PARD3B: variants seen among roughly 807,000 people sequenced by gnomAD.
PARD3B encodes the protein partitioning defective 3 homolog B.
PARD3B carries 103 observed loss-of-function variants against 130.2 expected under a neutral mutation model. The observed-to-expected ratio is 0.79, with a 90% CI of 0.67 to 0.93. The LOEUF (loss-of-function observed/expected upper bound fraction) is 0.93. Ranked by LOEUF, PARD3B falls within the 40% of genes least tolerant of loss-of-function variation. The pLI is 0.00. For synonymous variants in PARD3B, 583 were observed against 553.2 expected (o/e 1.05, Z -0.76); for missense variants, 1,609 against 1,499.2 (o/e 1.07, Z -1.21).
intron 22 of PARD3B, among the ~76,000 whole-genome samples, chr2:205,613,924 G>T (rs2055326670): frequency 6.6e-6 from 1 of 152,314 alleles, no homozygotes; most frequent in East Asian, 1.9e-4. Flanking sequence ...CACAGACACT[G>T]TATTCTCACA....
chr2:204,926,706 T>C (rs113769501), intron 2 of PARD3B, among the ~76,000 whole-genome samples: 3 of 152,230 alleles, frequency 2.0e-5, no homozygotes, highest in African/African-American at 7.2e-5. Context: ...CTTTGGACCA[T>C]TGACCTCTTA....
At chr2:204,608,682 A>G (rs1016578891) in intron 1 of PARD3B, among the ~76,000 whole-genome samples, 11 of 152,298 alleles carry the variant, frequency 7.2e-5, no homozygotes, top group Admixed American at 5.9e-4. Flanking sequence ...GGAATTACCC[A>G]GACAGTAGAT....
intron 2 of PARD3B, among the ~76,000 whole-genome samples, chr2:204,888,943 A>T (rs1376649101): frequency 6.6e-6 from 1 of 152,172 alleles, no homozygotes; most frequent in Admixed American, 6.5e-5. Context: ...AACTTTTGAT[A>T]ATAGACTGTT....
chr2:205,005,886 T>G (rs1695222502), intron 3 of PARD3B, among the ~76,000 whole-genome samples: 2 of 152,140 alleles, frequency 1.3e-5, no homozygotes, highest in Non-Finnish European at 2.9e-5. Flanking sequence ...AATGGTGATT[T>G]TTGAAATTTT....
intron 4 of PARD3B, among the ~76,000 whole-genome samples, chr2:205,082,906 A>T (rs572627214): frequency 6.6e-6 from 1 of 151,716 alleles, no homozygotes; most frequent in East Asian, 1.9e-4. Context: ...TTACACCAAA[A>T]GTTAAAATAT....
chr2:204,641,770 G>A (rs2035085519), intron 1 of PARD3B, among the ~76,000 whole-genome samples: 1 of 152,144 alleles, frequency 6.6e-6, no homozygotes, highest in Non-Finnish European at 1.5e-5. Flanking sequence ...CTGAAAATAA[G>A]TGTGCTTAGT....
intron 2 of PARD3B, among the ~76,000 whole-genome samples, chr2:204,926,800 G>T (rs1180010654): frequency 1.3e-5 from 2 of 152,026 alleles, no homozygotes; most frequent in African/African-American, 4.8e-5. Context: ...CTTCAAGCCA[G>T]TTTTGAAATT....
intron 2 of PARD3B, among the ~76,000 whole-genome samples, chr2:204,815,412 G>A (rs780309741): frequency 6.6e-6 from 1 of 151,820 alleles, no homozygotes; most frequent in Non-Finnish European, 1.5e-5. Flanking sequence ...GTCCGAATTT[G>A]TGTCTTCTCT....
At chr2:204,628,199 C>T (rs1273958062) in intron 1 of PARD3B, among the ~76,000 whole-genome samples, 2 of 151,920 alleles carry the variant, frequency 1.3e-5, no homozygotes, top group African/African-American at 4.8e-5. Flanking sequence ...ACAGGAGTTT[C>T]TCCCTATCCC....
At chr2:204,690,765 T>C (rs2037316761) in intron 2 of PARD3B, among the ~76,000 whole-genome samples, 1 of 152,190 alleles carries the variant, frequency 6.6e-6, no homozygotes, top group East Asian at 1.9e-4. Context: ...AGGACACTAA[T>C]ACATACACTG....
At position 205,432,599 on chromosome 2, in the gene PARD3B, C is replaced by T. The variant is rs78370130; in HGVS notation, c.2742-7771C>T. Among the ~76,000 whole-genome samples the T allele has an allele frequency of 6.2e-3, 941 of 152,214 alleles. 11 individuals are homozygous for T. Among genetic ancestry groups the T allele is most frequent in the African/African-American group, 0.021 (856 of 41,526 alleles). On this transcript the variant is annotated intron_variant, in intron 19 of 22. Transcript: ENST00000406610. ...TGTATAGTTTAATTATTTTCTTCTTCTTCAAGCCTTTTATTTTATATTTTC... is the reference window on the plus strand; with the variant it reads ...TGTATAGTTTAATTATTTTCTTCTTTTTCAAGCCTTTTATTTTATATTTTC...
chr2:205,407,818 A>T lies in PARD3B; in HGVS notation c.2741+6695A>T, dbSNP rs2046460776. On this transcript the variant is annotated intron_variant, in intron 19 of 22. Transcript: ENST00000406610. The surrounding 1 kb of genome is among the most constrained non-coding windows in gnomAD (Gnocchi z 4.1). ...GTTTTCTCCTAAAATTGAAAAAAAA[A>T]TTTTAATAACATGAGTTATATACTC... Among the ~76,000 whole-genome samples the T allele has an allele frequency of 1.3e-5, 2 of 152,148 alleles. No homozygotes were observed. Among genetic ancestry groups the T allele is most frequent in the Non-Finnish European group, 2.9e-5 (2 of 68,026 alleles).
At chr2:204,830,809 TAGAG>T (rs1559179757) in intron 2 of PARD3B, among the ~76,000 whole-genome samples, 1 of 152,178 alleles carries the variant, frequency 6.6e-6, no homozygotes, top group Admixed American at 6.5e-5. Flanking sequence ...ACTCTGTAGT[TAGAG>T]AGAAGGGAAT....
chr2:204,639,429 G>A (rs2034998349), intron 1 of PARD3B, among the ~76,000 whole-genome samples: 1 of 152,078 alleles, frequency 6.6e-6, no homozygotes, highest in South Asian at 2.1e-4. Context: ...ATATAAACAG[G>A]TGACCCTCAG....
intron 2 of PARD3B, among the ~76,000 whole-genome samples, chr2:204,730,312 G>A (rs1416553972): frequency 1.3e-5 from 2 of 151,998 alleles, no homozygotes; most frequent in Non-Finnish European, 1.5e-5. Flanking sequence ...CAGATGATCT[G>A]CCCATCTTGG....
At chr2:204,549,236 T>C (rs1220744339) in intron 1 of PARD3B, among the ~76,000 whole-genome samples, 2 of 152,128 alleles carry the variant, frequency 1.3e-5, no homozygotes, top group African/African-American at 2.4e-5. Context: ...ATGAACTCCA[T>C]TGGAAACGTG....
chr2:204,624,943 GAT>G (rs1395738032), intron 1 of PARD3B, among the ~76,000 whole-genome samples: 1 of 152,088 alleles, frequency 6.6e-6, no homozygotes, highest in African/African-American at 2.4e-5. Context: ...ATTGTGTAGT[GAT>G]ATCTCATTGT....
rs371044045 is a variant in PARD3B at position 204,953,928 on chromosome 2, G to A, written c.223-11224G>A. Among the ~76,000 whole-genome samples the A allele has an allele frequency of 1.0e-3, 156 of 152,212 alleles. 1 individual carries two copies. The highest frequency in any genetic ancestry group is 3.7e-3 in the African/African-American group (152 of 41,536). On this transcript the variant is annotated intron_variant, in intron 2 of 22. Transcript: ENST00000406610. ...AACTCGCAAAGACTGTCTATGATTA[G>A]AGACAAGACCCAGAAAGTCAACTGT... is the stretch of plus-strand genomic sequence containing the variant.
At chr2:205,139,763 G>A (rs78633896) in intron 10 of PARD3B, among the ~76,000 whole-genome samples, 1 of 151,888 alleles carries the variant, frequency 6.6e-6, no homozygotes, top group Non-Finnish European at 1.5e-5. Flanking sequence ...TTTTCATGGT[G>A]GTTAAGTTAA....
Sources: gnomAD v4.1 joint callset for allele counts (sites outside exome capture counted in the v4.1 genomes callset) on GRCh38, gnomAD v4.1.1 for gene constraint, Gnocchi (gnomAD v3.1) non-coding constraint, MANE v1.5 for transcripts, NCBI Gene and HGNC (gene_info 2026-07-23, HGNC 2026-07-21) for gene names.